The following IL1RAPL1 variants were observed in gnomAD, a reference collection of about 807,000 sequenced individuals.
IL1RAPL1 encodes the protein interleukin-1 receptor accessory protein-like 1.
A neutral mutation model predicts 48.4 loss-of-function variants in IL1RAPL1; 3 were observed. That is an observed-to-expected ratio of 0.06 (90% CI 0.03 to 0.16). The LOEUF (loss-of-function observed/expected upper bound fraction) is 0.16, where lower values mean the gene tolerates loss of function less well. Ranked by LOEUF, IL1RAPL1 falls within the 10% of genes least tolerant of loss-of-function variation. The pLI is 1.00. For missense variants in IL1RAPL1, 349 were observed against 530.6 expected (o/e 0.66, Z 3.36); for synonymous variants, 185 against 187.7 (o/e 0.99, Z 0.12).
rs183142272 is a variant in IL1RAPL1, at chrX:29,683,541, A to G, written c.778+15037A>G. 8.6e-4 allele frequency among the ~76,000 whole-genome samples: 96 copies of G among 112,250 alleles called. 1 individual carries two copies. The highest frequency in any genetic ancestry group is 9.4e-4 in the Non-Finnish European group (50 of 53,243). ...ATCTTTTCAACAGCCTGTGATGTCT[A>G]TTTTGCCTCCATTTTACAGATAATG... On this transcript the variant is annotated intron_variant, in intron 6 of 10. Coordinates refer to ENST00000378993, the MANE Select transcript of IL1RAPL1 (RefSeq NM_014271.4).
chrX:29,240,992 C>T (rs1285641930), intron 2 of IL1RAPL1, among the ~76,000 whole-genome samples: 1 of 112,368 alleles, frequency 8.9e-6, no homozygotes, highest in Non-Finnish European at 1.9e-5. Context: ...GTACTATTTT[C>T]TTCAGGTCAA....
intron 5 of IL1RAPL1, among the ~76,000 whole-genome samples, chrX:29,636,993 C>T (rs1602339042): frequency 1.9e-5 from 2 of 103,882 alleles, no homozygotes; most frequent in Admixed American, 2.1e-4. Context: ...GCAGAGGTTG[C>T]GGTGAGCTGA....
At chrX:28,728,325 A>G (rs952876686) in intron 1 of IL1RAPL1, among the ~76,000 whole-genome samples, 2 of 111,693 alleles carry the variant, frequency 1.8e-5, no homozygotes, top group African/African-American at 3.2e-5. Flanking sequence ...ATTACAAGAG[A>G]TAATGTAGAA....
intron 6 of IL1RAPL1, among the ~76,000 whole-genome samples, chrX:29,878,290 T>G (rs1432091729): frequency 8.9e-6 from 1 of 111,977 alleles, no homozygotes; most frequent in Non-Finnish European, 1.9e-5. Context: ...TCTTCTACCC[T>G]CTATTGCTTT....
At chrX:29,402,084 G>A (rs962204180) in intron 5 of IL1RAPL1, among the ~76,000 whole-genome samples, 1 of 110,593 alleles carries the variant, frequency 9.0e-6, no homozygotes, top group Non-Finnish European at 1.9e-5. Flanking sequence ...AGTAGAGACC[G>A]GGTTTAACCA....
intron 1 of IL1RAPL1, among the ~76,000 whole-genome samples, chrX:28,719,985 A>G (rs1179225452): frequency 1.8e-5 from 2 of 110,892 alleles, no homozygotes; most frequent in African/African-American, 3.3e-5. Flanking sequence ...TTTAGTGACT[A>G]TATTCTACTT....
At chrX:28,737,042 A>AT (rs1169407642) in intron 1 of IL1RAPL1, among the ~76,000 whole-genome samples, 4 of 88,478 alleles carry the variant, frequency 4.5e-5, no homozygotes, top group Non-Finnish European at 8.7e-5. Flanking sequence ...AGCCCTGAAT[A>AT]TTTCCTTTTC....
intron 8 of IL1RAPL1, among the ~76,000 whole-genome samples, chrX:29,923,244 A>G (rs1224432235): frequency 8.9e-6 from 1 of 112,477 alleles, no homozygotes; most frequent in African/African-American, 3.2e-5. Flanking sequence ...TAATTCCATG[A>G]AAGCCTGCAG....
intron 2 of IL1RAPL1, among the ~76,000 whole-genome samples, chrX:28,894,590 C>T (rs977281830): frequency 1.6e-4 from 18 of 110,830 alleles, no homozygotes; most frequent in African/African-American, 3.6e-4. Flanking sequence ...AAAGTATATG[C>T]GTCAGGTGGG....
At chrX:28,820,013 T>TATAC (rs1569180036) in intron 2 of IL1RAPL1, among the ~76,000 whole-genome samples, 6 of 67,378 alleles carry the variant, frequency 8.9e-5, no homozygotes, top group Admixed American at 7.3e-4. Context: ...TATATATATA[T>TATAC]ACATGTACTG....
At chrX:28,857,523 A>G (rs1051789354) in intron 2 of IL1RAPL1, among the ~76,000 whole-genome samples, 4 of 111,419 alleles carry the variant, frequency 3.6e-5, no homozygotes, top group African/African-American at 1.3e-4. Flanking sequence ...ATGGTCATTT[A>G]CCATTCTGAA....
chrX:29,042,499 C>G (rs767895932), intron 2 of IL1RAPL1, among the ~76,000 whole-genome samples: 1 of 111,628 alleles, frequency 9.0e-6, no homozygotes, highest in Non-Finnish European at 1.9e-5. Flanking sequence ...AGCAGATTAT[C>G]ATATATAACA....
At chrX:29,024,546 G>T (rs1350165221) in intron 2 of IL1RAPL1, among the ~76,000 whole-genome samples, 6 of 111,828 alleles carry the variant, frequency 5.4e-5, no homozygotes, top group Non-Finnish European at 1.1e-4. Context: ...TTGGGTTATT[G>T]TGAAAATTAA....
chrX:29,724,032 C>G (rs931729134), intron 6 of IL1RAPL1, among the ~76,000 whole-genome samples: 2 of 111,210 alleles, frequency 1.8e-5, no homozygotes, highest in African/African-American at 3.3e-5. Flanking sequence ...CCAGGCTGGT[C>G]TCGAACTCCT....
chrX:29,414,244 T>TA (rs754252756), intron 5 of IL1RAPL1, among the ~76,000 whole-genome samples: 1 of 110,202 alleles, frequency 9.1e-6, no homozygotes, highest in East Asian at 2.8e-4. Context: ...TTTGGGATGA[T>TA]AAAAAAAAGT....
chrX:29,052,535 AC>A (rs1485786105), intron 2 of IL1RAPL1, among the ~76,000 whole-genome samples: 1 of 111,004 alleles, frequency 9.0e-6, no homozygotes, highest in Non-Finnish European at 1.9e-5. Context: ...GAAATTTTGT[AC>A]CCTTTGACCA....
At chrX:29,437,666 G>T (rs1934497461) in intron 5 of IL1RAPL1, among the ~76,000 whole-genome samples, 1 of 110,242 alleles carries the variant, frequency 9.1e-6, no homozygotes. Flanking sequence ...ATTCTTTTCT[G>T]TATTAATTGA....
At chrX:29,855,030 G>A (rs1311536746) in intron 6 of IL1RAPL1, among the ~76,000 whole-genome samples, 1 of 111,767 alleles carries the variant, frequency 8.9e-6, no homozygotes, top group Non-Finnish European at 1.9e-5. Context: ...AACACCCATG[G>A]CTGTCACTGA....
intron 5 of IL1RAPL1, among the ~76,000 whole-genome samples, chrX:29,628,380 A>C (rs1322314778): frequency 8.9e-6 from 1 of 111,998 alleles, no homozygotes; most frequent in Non-Finnish European, 1.9e-5. Flanking sequence ...TGAATGCGTG[A>C]CACTGATAAC....
Sources: gnomAD v4.1 joint callset for allele counts (sites outside exome capture counted in the v4.1 genomes callset) on GRCh38, gnomAD v4.1.1 for gene constraint, MANE v1.5 for transcripts, NCBI Gene and HGNC (gene_info 2026-07-23, HGNC 2026-07-21) for gene names.